CCL26: variants seen among roughly 807,000 people sequenced by gnomAD.
CCL26 encodes the protein C-C motif chemokine 26.
CCL26 carries 10 observed loss-of-function variants against 10.7 expected under a neutral mutation model. The observed-to-expected ratio is 0.93, with a 90% CI of 0.57 to 1.58. CCL26 has a LOEUF of 1.58. Among genes scored for constraint, CCL26 ranks in the 40% most tolerant of loss-of-function variants. CCL26 has a pLI of 0.00. For synonymous variants in CCL26, 43 were observed against 41.4 expected (o/e 1.04, Z -0.15); for missense variants, 116 against 111.0 (o/e 1.05, Z -0.20).
At chr7:75,774,627 G>A (rs528224304), upstream of CCL26, among the ~76,000 whole-genome samples, 4 of 151,958 alleles carry the variant, frequency 2.6e-5, no homozygotes, top group East Asian at 5.8e-4. Flanking sequence ...TGTATTTTTA[G>A]TAGAGACAGG....
intron 1 of CCL26, among the ~76,000 whole-genome samples, chr7:75,783,213 G>A (rs1563339446): frequency 6.6e-6 from 1 of 152,060 alleles, no homozygotes; most frequent in Non-Finnish European, 1.5e-5. Flanking sequence ...CAGGAATTCC[G>A]ATATCTAACT....
Position 75,771,963 on chromosome 7 carries a change from G to A in CCL26, c.114C>T (p.Ser38=). 1 of 1,614,122 alleles carries A rather than the reference G, an allele frequency of 6.2e-7. No individual in the cohort carries two copies. Among genetic ancestry groups the A allele is most frequent in the Middle Eastern group, 1.6e-4 (1 of 6,062 alleles). Residue 38 remains serine (S), a synonymous_variant, in exon 2 of 3, where the codon AGC becomes AGT. Coordinates refer to ENST00000005180, the MANE Select transcript of CCL26 (RefSeq NM_001371938.1). ...CCCAGGTCCAGGGAAGGGGCTTGTG[G>A]CTGTATTGGAAGCAGCAGGTCTTGG... ...DISKTCCFQY[S]HKPLPWTWVR... is the part of the protein sequence containing the mutation.
At chr7:75,776,296 T>C (rs112965262), upstream of CCL26, among the ~76,000 whole-genome samples, 41,425 of 151,270 alleles carry the variant, frequency 0.27, 5,987 homozygotes, top group African/African-American at 0.35. Flanking sequence ...GGTTTTGAAC[T>C]CCTGAGCTCA....
Position 75,783,582 on chromosome 7 carries a change from G to A in CCL26, c.-79+6135C>T, listed in dbSNP as rs148942141. On this transcript the variant is annotated intron_variant, in intron 1 of 3. Coordinates refer to the CCL26 transcript ENST00000394905. ...TGGGAGGCCGAGGTGGGCGGATCAC[G>A]AGGTCAGGAGATCGAGACTACGGTG... Among the ~76,000 whole-genome samples, 208 of 152,188 alleles carry A rather than the reference G, an allele frequency of 1.4e-3. 1 individual carries two copies. The East Asian group carries it at 0.037, about 27-fold the overall frequency.
chr7:75,784,524 T>C (rs1329028119), intron 1 of CCL26, among the ~76,000 whole-genome samples: 1 of 152,182 alleles, frequency 6.6e-6, no homozygotes, highest in African/African-American at 2.4e-5. Flanking sequence ...CCACATTACC[T>C]TCTTTTCAAA....
At chr7:75,789,121 T>C (rs1329327959) in intron 1 of CCL26, among the ~76,000 whole-genome samples, 1 of 136,638 alleles carries the variant, frequency 7.3e-6, no homozygotes, top group African/African-American at 2.8e-5. Flanking sequence ...TTTGTAGAGA[T>C]GTGGCGGGCG....
intron 2 of CCL26, 119 bp from the exon 3 acceptor site, chr7:75,769,908 C>T (rs1802785128): frequency 1.9e-5 from 12 of 646,510 alleles, no homozygotes; most frequent in Admixed American, 2.5e-5. Flanking sequence ...AAACTTGTTG[C>T]TCTCTGTCCC....
intron 1 of CCL26, among the ~76,000 whole-genome samples, chr7:75,785,948 A>G (rs782712787): frequency 4.6e-5 from 7 of 152,182 alleles, no homozygotes; most frequent in South Asian, 2.1e-4. Flanking sequence ...GTCTCCATGC[A>G]GCGGCTGCTG....
intron 1 of CCL26, among the ~76,000 whole-genome samples, chr7:75,785,612 C>G (rs534581724): frequency 4.6e-5 from 7 of 152,182 alleles, no homozygotes; most frequent in Non-Finnish European, 8.8e-5. Context: ...AACAACAAGT[C>G]CTTTCCTTCC....
upstream of CCL26, among the ~76,000 whole-genome samples, chr7:75,791,439 T>G (rs1214110385): frequency 6.6e-6 from 1 of 152,094 alleles, no homozygotes; most frequent in Non-Finnish European, 1.5e-5. Flanking sequence ...TCCAGGCCCT[T>G]CCCTGTGGCT....
chr7:75,772,106 G>A lies in CCL26; in HGVS notation c.71C>T (p.Thr24Ile), dbSNP rs1554528191. The A allele has an allele frequency of 1.3e-6, 2 of 1,581,444 alleles. No individual in the cohort carries two copies. The highest frequency in any genetic ancestry group is 1.7e-6 in the Non-Finnish European group (2 of 1,163,642). Residue 24 changes from threonine (T) to isoleucine (I), a missense_variant and splice_region_variant, in exon 1 of 3, where the codon ACA becomes ATA. Thr to Ile is a moderately conservative substitution (Grantham distance 89). Transcript: ENST00000005180. ...SLLSLHLGTA[T>I]RGSDISKTCC... is the part of the protein sequence containing the mutation. ...AGGGGAATGGGCCAGCTACGTACGT[G>A]TGGCAGTTCCAAGGTGGAGACTCAG...
intron 1 of CCL26, among the ~76,000 whole-genome samples, chr7:75,778,855 G>T (rs576456220): frequency 5.3e-5 from 8 of 151,956 alleles, no homozygotes; most frequent in African/African-American, 1.4e-4. Context: ...AGGTGGGGGG[G>T]GCAGATCACT....
At chr7:75,779,230 G>A (rs181959754) in intron 1 of CCL26, among the ~76,000 whole-genome samples, 304 of 152,070 alleles carry the variant, frequency 2.0e-3, no homozygotes, top group African/African-American at 6.5e-3. Context: ...GACTCAGCCC[G>A]CCTGCACTCA....
chr7:75,790,214 T>C (rs149036739), upstream of CCL26, among the ~76,000 whole-genome samples: 65 of 90,548 alleles, frequency 7.2e-4, no homozygotes, highest in Non-Finnish European at 1.0e-3. Context: ...TTTCTTTCTT[T>C]CTTTCTTCCT....
intron 1 of CCL26, among the ~76,000 whole-genome samples, chr7:75,787,987 T>C (rs782817584): frequency 3.9e-5 from 6 of 151,994 alleles, no homozygotes; most frequent in Admixed American, 6.6e-5. Context: ...ACCACAAAAA[T>C]CTTCCTTCAA....
At chr7:75,780,444 G>A (rs1265476686) in intron 1 of CCL26, among the ~76,000 whole-genome samples, 16 of 151,792 alleles carry the variant, frequency 1.1e-4, no homozygotes, top group Admixed American at 5.3e-4. Context: ...CTCTTCAACC[G>A]ACACCTGACC....
upstream of CCL26, among the ~76,000 whole-genome samples, chr7:75,790,182 T>TTCCTTCCTTCCTTCCTTC (rs1554530622): frequency 2.4e-5 from 2 of 82,068 alleles, no homozygotes; most frequent in African/African-American, 4.6e-5. Context: ...TTCCTTCCTT[T>TTCCTTCCTTCCTTCCTTC]CTTTCTTTCT....
chr7:75,781,179 T>G (rs782779320), intron 1 of CCL26, among the ~76,000 whole-genome samples: 8 of 152,144 alleles, frequency 5.3e-5, no homozygotes, highest in Admixed American at 1.3e-4. Context: ...CTCCCGACAT[T>G]AAATAAAACT....
upstream of CCL26, among the ~76,000 whole-genome samples, chr7:75,774,299 G>A (rs369146439): frequency 2.0e-5 from 3 of 151,962 alleles, no homozygotes; most frequent in Non-Finnish European, 2.9e-5. Context: ...ACAGGCATGC[G>A]CCATCACGCC....
Sources: allele counts gnomAD v4.1 joint callset (sites outside exome capture counted in the v4.1 genomes callset), GRCh38; gene constraint gnomAD v4.1.1; transcripts MANE v1.5; gene names NCBI Gene and HGNC (gene_info 2026-07-23, HGNC 2026-07-21).